ZBTB7C: variants seen among roughly 807,000 people sequenced by gnomAD.
ZBTB7C encodes the protein zinc finger and BTB domain containing 7C, also known as zinc finger and BTB domain-containing protein 7C.
In ZBTB7C, 8 loss-of-function variants were observed where a neutral mutation model predicts 25.7. The observed-to-expected ratio is 0.31, with a 90% CI of 0.18 to 0.56. The LOEUF is 0.56. ZBTB7C is among the 20% of genes least tolerant of loss of function. The pLI, the probability that ZBTB7C is intolerant of heterozygous loss-of-function variation, is 0.91. For synonymous variants in ZBTB7C, 394 were observed against 369.0 expected (o/e 1.07, Z -0.78); for missense variants, 824 against 855.2 (o/e 0.96, Z 0.46).
intron 1 of ZBTB7C, among the ~76,000 whole-genome samples, chr18:48,382,841 T>C (rs2047663290): frequency 6.6e-6 from 1 of 152,206 alleles, no homozygotes; most frequent in South Asian, 2.1e-4. Flanking sequence ...AAAAACTACC[T>C]AGAATGATAA....
At chr18:48,285,333 G>A (rs998102116) in intron 2 of ZBTB7C, among the ~76,000 whole-genome samples, 1 of 152,158 alleles carries the variant, frequency 6.6e-6, no homozygotes, top group Non-Finnish European at 1.5e-5. Flanking sequence ...GGCACATAAA[G>A]ATTCATGATT....
intron 3 of ZBTB7C, among the ~76,000 whole-genome samples, chr18:48,179,486 T>G (rs1279703738): frequency 1.3e-5 from 2 of 151,302 alleles, no homozygotes; most frequent in Non-Finnish European, 2.9e-5. Flanking sequence ...CCAGGGCTGG[T>G]GGGATCAGAC....
At chr18:48,081,736 G>A (rs1479402135) in intron 3 of ZBTB7C, among the ~76,000 whole-genome samples, 2 of 152,072 alleles carry the variant, frequency 1.3e-5, no homozygotes, top group African/African-American at 4.8e-5. Context: ...CCTACCATGT[G>A]CAGAAGACTC....
At chr18:48,410,362 A>G (rs958668447), upstream of ZBTB7C, among the ~76,000 whole-genome samples, 1 of 151,502 alleles carries the variant, frequency 6.6e-6, no homozygotes, top group African/African-American at 2.4e-5. Flanking sequence ...GCCGCCCGTC[A>G]CTCCCCGGGT....
intron 2 of ZBTB7C, among the ~76,000 whole-genome samples, chr18:48,286,996 AAAAC>A (rs576085821): frequency 5.3e-5 from 8 of 152,128 alleles, no homozygotes; most frequent in Admixed American, 1.3e-4. Context: ...GGTTGCAGGA[AAAAC>A]AAACAAACAA....
Position 48,026,742 on chromosome 18 carries a change from T to C in ZBTB7C, c.*2518A>G, listed in dbSNP as rs908726608. The C allele has an allele frequency of 1.6e-4, 25 of 151,994 alleles. 1 individual carries two copies. Among genetic ancestry groups the C allele is most frequent in the African/African-American group, 5.3e-4 (22 of 41,426 alleles). 9.4% of individuals were successfully genotyped at this position (151,994 alleles called of 1,614,324 possible). On this transcript the variant is annotated 3_prime_UTR_variant, in exon 5 of 5. Transcript: ENST00000590800. ...GTATAAAATAAGGGTCAAAGGTTTT[T>C]TTTTTTTTCTTTGTTAAGGTGTCTT...
chr18:48,048,015 C>T (rs908232975), intron 3 of ZBTB7C, among the ~76,000 whole-genome samples: 1 of 152,158 alleles, frequency 6.6e-6, no homozygotes, highest in Non-Finnish European at 1.5e-5. Context: ...ACCATGCTGC[C>T]CCCTGGGAAG....
chr18:48,155,382 C>T (rs2144914714), intron 3 of ZBTB7C, among the ~76,000 whole-genome samples: 1 of 124,986 alleles, frequency 8.0e-6, no homozygotes, highest in South Asian at 2.6e-4. Flanking sequence ...GGCTGGAGTG[C>T]AGTGGTGCAA....
intron 2 of ZBTB7C, among the ~76,000 whole-genome samples, chr18:48,201,057 A>T (rs2042433680): frequency 6.6e-6 from 1 of 152,130 alleles, no homozygotes; most frequent in Non-Finnish European, 1.5e-5. Flanking sequence ...CACTTTCCAT[A>T]CAGGACAACA....
intron 2 of ZBTB7C, among the ~76,000 whole-genome samples, chr18:48,242,955 G>A (rs1438428705): frequency 6.6e-6 from 1 of 151,938 alleles, no homozygotes; most frequent in Admixed American, 6.6e-5. Context: ...AAACCCTAAA[G>A]ACTTATCAAA....
chr18:48,378,828 T>C (rs79393754), intron 1 of ZBTB7C, among the ~76,000 whole-genome samples: 5,480 of 152,120 alleles, frequency 0.036, 353 homozygotes, highest in African/African-American at 0.13. Context: ...AATGAAGTAC[T>C]CAGTAGGGAG....
Position 48,305,226 on chromosome 18 carries a change from C to T in ZBTB7C, c.-79+32948G>A, listed in dbSNP as rs139507863. Reference sequence around the variant, plus strand: ...ATAAAGTGGGGAACAATTTGAAATCCGTGTAATTATCTGCGTGGCTGTTGC... The same window carrying T: ...ATAAAGTGGGGAACAATTTGAAATCTGTGTAATTATCTGCGTGGCTGTTGC... On this transcript the variant is annotated intron_variant, in intron 2 of 4. Coordinates refer to ENST00000590800, the MANE Select transcript of ZBTB7C (RefSeq NM_001318841.2). Among the ~76,000 whole-genome samples the T allele has an allele frequency of 6.4e-4, 98 of 152,246 alleles. 1 individual carries two copies. In the East Asian group the frequency reaches 0.016, roughly 24 times the overall value.
intron 3 of ZBTB7C, among the ~76,000 whole-genome samples, chr18:48,117,076 T>G (rs1452159311): frequency 2.0e-5 from 3 of 152,060 alleles, no homozygotes; most frequent in African/African-American, 7.2e-5. Context: ...TGGTTAGAGC[T>G]GTGAATGTTG....
intron 3 of ZBTB7C, chr18:48,137,088 C>T: frequency 1.0e-6 from 1 of 985,456 alleles, no homozygotes. Flanking sequence ...ATCCACGCGG[C>T]CGCGCTGCTC....
chr18:48,034,443 C>T (rs902246558), intron 4 of ZBTB7C, among the ~76,000 whole-genome samples: 1 of 152,102 alleles, frequency 6.6e-6, no homozygotes, highest in Non-Finnish European at 1.5e-5. Context: ...GACACTGATG[C>T]TCTATCCTTA....
chr18:48,046,288 A>G (rs575074732), intron 3 of ZBTB7C, among the ~76,000 whole-genome samples: 2 of 152,354 alleles, frequency 1.3e-5, no homozygotes, highest in South Asian at 4.1e-4. Context: ...CCTTAACAAA[A>G]TCCGTGTATT....
At chr18:48,288,418 C>A (rs561709736) in intron 2 of ZBTB7C, among the ~76,000 whole-genome samples, 5 of 151,088 alleles carry the variant, frequency 3.3e-5, no homozygotes, top group African/African-American at 1.2e-4. Context: ...GAGGCCAAAC[C>A]GGGTGGATCA....
At chr18:48,221,991 T>C (rs1346461225) in intron 2 of ZBTB7C, among the ~76,000 whole-genome samples, 2 of 151,598 alleles carry the variant, frequency 1.3e-5, no homozygotes, top group African/African-American at 2.4e-5. Context: ...GTCTCCTCTA[T>C]ACTGTCCTAG....
At chr18:48,100,008 G>A (rs2038776004) in intron 3 of ZBTB7C, among the ~76,000 whole-genome samples, 2 of 152,190 alleles carry the variant, frequency 1.3e-5, no homozygotes, top group Admixed American at 6.5e-5. Flanking sequence ...CTCCTGGAGT[G>A]GGGCACCCAC....
Sources: gnomAD v4.1 joint callset for allele counts (sites outside exome capture counted in the v4.1 genomes callset) on GRCh38, gnomAD v4.1.1 for gene constraint, MANE v1.5 for transcripts, NCBI Gene and HGNC (gene_info 2026-07-23, HGNC 2026-07-21) for gene names.